The following FBXO42 variants were observed in gnomAD, a reference collection of about 807,000 sequenced individuals.
FBXO42 encodes the protein F-box protein 42, also known as F-box only protein 42.
Under a neutral mutation model 71.7 loss-of-function variants are expected in FBXO42, and 12 were observed. That is an observed-to-expected ratio of 0.17 (90% CI 0.11 to 0.27). The LOEUF is 0.27. Among genes scored for constraint, FBXO42 ranks in the 10% least tolerant of loss-of-function variants. FBXO42 has a pLI of 1.00. For missense variants in FBXO42, 707 were observed against 911.9 expected, an observed-to-expected ratio of 0.78 and a Z score of 2.89; for synonymous variants, 325 against 327.5, an observed-to-expected ratio of 0.99 and a Z score of 0.08.
At chr1:16,311,068 T>C (rs2082307345) in intron 2 of FBXO42, among the ~76,000 whole-genome samples, 1 of 114,350 alleles carries the variant, frequency 8.7e-6, no homozygotes, top group African/African-American at 3.5e-5. Context: ...GGCTCACGCC[T>C]GTAATCCCAA....
chr1:16,348,847 G>A (rs757305045), intron 1 of FBXO42, among the ~76,000 whole-genome samples: 11 of 152,132 alleles, frequency 7.2e-5, no homozygotes, highest in Admixed American at 3.9e-4. Context: ...AACATTGTAA[G>A]GAATAACAAT....
At chr1:16,287,268 T>C (rs1391154255) in intron 4 of FBXO42, among the ~76,000 whole-genome samples, 1 of 152,216 alleles carries the variant, frequency 6.6e-6, no homozygotes, top group Non-Finnish European at 1.5e-5. Context: ...GATACCCACA[T>C]GGCTCACTTC....
chr1:16,331,986 T>C (rs1408412758), intron 1 of FBXO42, among the ~76,000 whole-genome samples: 2 of 152,018 alleles, frequency 1.3e-5, no homozygotes, highest in Non-Finnish European at 1.5e-5. Context: ...GAGGTGAAGG[T>C]TGTGTTGAGC....
At chr1:16,272,300 C>G (rs2081855721) in intron 4 of FBXO42, among the ~76,000 whole-genome samples, 1 of 151,620 alleles carries the variant, frequency 6.6e-6, no homozygotes, top group South Asian at 2.1e-4. Flanking sequence ...GCTCTTGTTA[C>G]CCAGGCTGGA....
rs1161999029 is a variant in FBXO42 at position 16,251,217 on chromosome 1, C to A, written c.1607G>T (p.Gly536Val). ...GGCCACGTGAGGTGGGGTATGCACA[C>A]CATTTGTCTGTTCAGGAGGGTGTCT... is the stretch of plus-strand genomic sequence containing the variant. The part of the protein sequence containing the change: ...SMRHPPEQTN[G>V]VHTPPHVASA... The change falls in exon 10 of 10, where the codon GGT becomes GTT. Residue 536 changes from glycine to valine, a missense_variant. Physicochemically the swap from Gly to Val is moderately radical, Grantham distance 109. Transcript: ENST00000375592. The surrounding 1 kb of genome is among the most constrained non-coding windows in gnomAD (Gnocchi z 4.5). 1 of 1,614,022 alleles carries A rather than the reference C, an allele frequency of 6.2e-7. No individual in the cohort carries two copies. Among genetic ancestry groups the A allele is most frequent in the African/African-American group, 1.3e-5 (1 of 74,914 alleles).
rs143848067 is a variant in FBXO42 at position 16,342,908 on chromosome 1, C to T, written c.-18+9347G>A. On this transcript the variant is annotated intron_variant, in intron 1 of 9. Coordinates refer to ENST00000375592, the MANE Select transcript of FBXO42 (RefSeq NM_018994.3). ...TTGTTATAAATCAGGCCATCCCCAA[C>T]GTTTCCCCTATTCACATGTCAACTT... 5.9e-5 allele frequency among the ~76,000 whole-genome samples: 9 copies of T among 152,216 alleles called. 1 individual carries two copies. In the East Asian group the frequency reaches 1.5e-3, roughly 26 times the overall value.
intron 3 of FBXO42, among the ~76,000 whole-genome samples, chr1:16,303,899 C>T (rs1368150400): frequency 6.6e-6 from 1 of 151,986 alleles, no homozygotes; most frequent in Non-Finnish European, 1.5e-5. Context: ...GCGCCCGCCA[C>T]CATGCCCGGG....
chr1:16,351,435 G>C (rs2082702019), intron 1 of FBXO42, among the ~76,000 whole-genome samples: 1 of 152,134 alleles, frequency 6.6e-6, no homozygotes, highest in African/African-American at 2.4e-5. Flanking sequence ...TCCCACCACA[G>C]AAAAATCCAG....
intron 1 of FBXO42, among the ~76,000 whole-genome samples, chr1:16,340,237 CTG>C (rs2082589701): frequency 6.6e-6 from 1 of 151,078 alleles, no homozygotes; most frequent in South Asian, 2.1e-4. Context: ...TTCCTGGAGA[CTG>C]TTTCAGAAAA....
intron 4 of FBXO42, among the ~76,000 whole-genome samples, chr1:16,290,646 C>T (rs147370342): frequency 6.0e-5 from 9 of 150,872 alleles, no homozygotes; most frequent in Non-Finnish European, 1.0e-4. Flanking sequence ...GAACCAAGAT[C>T]GCACCACTGC....
In FBXO42 at chr1:16,249,202, T is replaced by G. The variant is rs1395955569; in HGVS notation, c.*1468A>C. On this transcript the variant is annotated 3_prime_UTR_variant, in exon 10 of 10. Transcript: ENST00000375592. ...TTAAATGGTGCCATTTGAAATAAAC[T>G]TATTTTGACATCTCCTATGCCCAGG... The G allele has an allele frequency of 3.3e-5, 5 of 152,252 alleles. No individual in the cohort carries two copies. The highest frequency in any genetic ancestry group is 1.2e-4 in the African/African-American group (5 of 41,468). The allele number at this position is 152,252 out of a possible 1,614,324, so 9.4% of individuals were successfully genotyped here. A position where few individuals can be genotyped will look rare whatever the true frequency, so the allele number is the denominator to read the frequency against.
chr1:16,256,768 A>G lies in FBXO42; in HGVS notation c.503-9T>C. On this transcript the variant is annotated splice_polypyrimidine_tract_variant and intron_variant, in intron 4 of 9. Coordinates refer to ENST00000375592, the MANE Select transcript of FBXO42 (RefSeq NM_018994.3). ...GGGGGAAGGATAGGACCCTAGGGAAAGTCAGTAACACCATGGTTAGCATTC... is the reference window on the plus strand; with the variant it reads ...GGGGGAAGGATAGGACCCTAGGGAAGGTCAGTAACACCATGGTTAGCATTC... The G allele has an allele frequency of 1.2e-6, 2 of 1,613,632 alleles. No homozygotes were observed. Among genetic ancestry groups the G allele is most frequent in the East Asian group, 2.2e-5 (1 of 44,884 alleles).
rs78831606 is a variant in FBXO42, at chr1:16,301,960, A to G, written c.367+3843T>C. 9.4e-3 allele frequency among the ~76,000 whole-genome samples: 1,426 copies of G among 152,246 alleles called. 21 individuals carry two copies. The highest frequency in any genetic ancestry group is 0.033 in the African/African-American group (1,354 of 41,552). The stretch of plus-strand genomic sequence containing the variant: ...ATCTATGGCACAAACAGAATTTGTC[A>G]TATCCATTTTTCAGACAAAGAAACT... On this transcript the variant is annotated intron_variant, in intron 3 of 9. Transcript: ENST00000375592.
intron 4 of FBXO42, among the ~76,000 whole-genome samples, chr1:16,291,442 G>A (rs778239679): frequency 1.3e-5 from 2 of 151,726 alleles, no homozygotes; most frequent in Admixed American, 6.6e-5. Context: ...GTGCTGTGGC[G>A]CAATCTTGGC....
chr1:16,301,678 A>AAAC (rs1557591981), intron 3 of FBXO42, among the ~76,000 whole-genome samples: 3 of 139,034 alleles, frequency 2.2e-5, no homozygotes, highest in Non-Finnish European at 3.2e-5. Flanking sequence ...CTCAAAAAAA[A>AAAC]AAAAACAACA....
chr1:16,341,893 C>T (rs554372581), intron 1 of FBXO42, among the ~76,000 whole-genome samples: 2 of 150,440 alleles, frequency 1.3e-5, no homozygotes, highest in East Asian at 2.0e-4. Context: ...ATCGCTTGAA[C>T]CTGGGAGGCG....
chr1:16,339,005 T>C (rs1273183664), intron 1 of FBXO42, among the ~76,000 whole-genome samples: 2 of 151,932 alleles, frequency 1.3e-5, no homozygotes, highest in Non-Finnish European at 2.9e-5. Flanking sequence ...GAGATGGGGT[T>C]TCACCATGTT....
At chr1:16,302,029 C>T (rs905887978) in intron 3 of FBXO42, among the ~76,000 whole-genome samples, 2 of 152,124 alleles carry the variant, frequency 1.3e-5, no homozygotes, top group Non-Finnish European at 2.9e-5. Context: ...CATCCAAAGG[C>T]CTTTCCTTTT....
At chr1:16,287,311 C>T (rs1049085845) in intron 4 of FBXO42, among the ~76,000 whole-genome samples, 5 of 151,584 alleles carry the variant, frequency 3.3e-5, no homozygotes, top group Non-Finnish European at 7.3e-5. Context: ...CTAATGTCGC[C>T]TTCTCTCTGA....
Sources: gnomAD v4.1 joint callset for allele counts (sites outside exome capture counted in the v4.1 genomes callset) on GRCh38, gnomAD v4.1.1 for gene constraint, Gnocchi (gnomAD v3.1) non-coding constraint, MANE v1.5 for transcripts, NCBI Gene and HGNC (gene_info 2026-07-23, HGNC 2026-07-21) for gene names.